JAG2: variants seen among roughly 807,000 people sequenced by gnomAD.
JAG2 encodes the protein protein jagged-2.
A neutral mutation model predicts 141.7 loss-of-function variants in JAG2; 46 were observed. The ratio of observed to expected loss-of-function variants is 0.32; its 90% confidence interval spans 0.26 to 0.42. The LOEUF (loss-of-function observed/expected upper bound fraction) is 0.42, where lower values mean the gene tolerates loss of function less well. JAG2 is among the 10% of genes least tolerant of loss of function. The pLI, the probability that JAG2 is intolerant of heterozygous loss-of-function variation, is 1.00. For missense variants in JAG2, 1,500 were observed against 1,817.5 expected (o/e 0.83, Z 3.18); for synonymous variants, 862 against 763.5 (o/e 1.13, Z -2.13).
intron 5 of JAG2, among the ~76,000 whole-genome samples, chr14:105,153,743 G>A (rs1471109798): frequency 6.6e-6 from 1 of 152,184 alleles, no homozygotes; most frequent in Non-Finnish European, 1.5e-5. Context: ...CCCAGACTCC[G>A]GCTCATCTTC....
intron 23 of JAG2, among the ~76,000 whole-genome samples, 192 bp from the exon 24 acceptor site, chr14:105,145,253 T>C (rs1489193262): frequency 2.0e-5 from 3 of 152,128 alleles, no homozygotes; most frequent in Non-Finnish European, 4.4e-5. Context: ...GGAGTGACGG[T>C]GCCCACCCGC....
At chr14:105,168,318 C>CCT in intron 1 of JAG2, 37 bp downstream of exon 1, 1 of 738,478 alleles carries the variant, frequency 1.4e-6, no homozygotes, top group Non-Finnish European at 1.7e-6. Context: ...CGGTGTGCCC[C>CCT]GTCCGCGACC....
chr14:105,154,561 T>C lies in JAG2; in HGVS notation c.788+1001A>G, dbSNP rs985861115. 1.3e-5 allele frequency among the ~76,000 whole-genome samples: 2 copies of C among 152,114 alleles called. No homozygotes were observed. The highest frequency in any genetic ancestry group is 2.9e-5 in the Non-Finnish European group (2 of 67,996). On this transcript the variant is annotated intron_variant, in intron 5 of 25. Transcript: ENST00000331782. This position sits in a 1 kb window ranked among gnomAD's most constrained non-coding sequence, Gnocchi z 4.4. ...GAGGCCTCCACCATCTGGACTTGGC[T>C]GTAAGACCCCGGACACTCCCTTGTG...
At position 105,168,075 on chromosome 14, in the gene JAG2, C is replaced by A. The variant is rs1242341917; in HGVS notation, c.99G>T (p.Gln33His). The A allele has an allele frequency of 6.3e-7, 1 of 1,587,884 alleles. No homozygotes were observed. The highest frequency in any genetic ancestry group is 8.5e-7 in the Non-Finnish European group (1 of 1,174,896). The change falls in exon 2 of 26, where the codon CAG becomes CAT. Residue 33 changes from glutamine to histidine, a missense_variant. By Grantham distance (24) the Gln-to-His change is conservative. Coordinates refer to ENST00000331782, the MANE Select transcript of JAG2 (RefSeq NM_002226.5). ...CGTTCACGTTCCGCAGCGCGCTCAG[C>A]TGCAGCTCGAAATAGCCCATGGGCC... is the stretch of plus-strand genomic sequence containing the variant. ...AARPMGYFEL[Q>H]LSALRNVNGE...
chr14:105,143,437 G>C, intron 25 of JAG2, 45 bp downstream of exon 25: 1 of 1,536,302 alleles, frequency 6.5e-7, no homozygotes, highest in Non-Finnish European at 8.7e-7. Flanking sequence ...CAATGCCTGA[G>C]TTGCCTGCCT....
chr14:105,164,593 G>A (rs759994786), intron 2 of JAG2, among the ~76,000 whole-genome samples: 5 of 152,328 alleles, frequency 3.3e-5, no homozygotes, highest in Middle Eastern at 3.4e-3. Context: ...CACCTGCCAC[G>A]AGCAGCTTAG....
Position 105,143,180 on chromosome 14 carries a change from G to A in JAG2, c.3242-10C>T, listed in dbSNP as rs373797671. On this transcript the variant is annotated splice_polypyrimidine_tract_variant and intron_variant, in intron 25 of 25. Coordinates refer to ENST00000331782, the MANE Select transcript of JAG2 (RefSeq NM_002226.5). ...ACAGGCACCAGCAGACCTGGGGACC[G>A]GGGAGAAGAGCCGGTGGGCAATGAG... The A allele has an allele frequency of 9.5e-5, 152 of 1,595,456 alleles. No individual in the cohort carries two copies. Among genetic ancestry groups the A allele is most frequent in the East Asian group, 1.8e-4 (8 of 44,750 alleles).
At chr14:105,143,378 T>TGTGTTCC in intron 25 of JAG2, 104 bp downstream of exon 25, 1 of 1,407,764 alleles carries the variant, frequency 7.1e-7, no homozygotes. Context: ...CAGGGACTTC[T>TGTGTTCC]GTGTTCCTGG....
chr14:105,165,196 A>G (rs915697905), intron 2 of JAG2, among the ~76,000 whole-genome samples: 1 of 151,990 alleles, frequency 6.6e-6, no homozygotes, highest in African/African-American at 2.4e-5. Flanking sequence ...GCCAACTGCC[A>G]CCACCCTGCT....
In JAG2 at chr14:105,148,891, A is replaced by C. The variant is rs587644459; in HGVS notation, c.1907-33T>G. On this transcript the variant is annotated intron_variant, in intron 14 of 25. Coordinates refer to ENST00000331782, the MANE Select transcript of JAG2 (RefSeq NM_002226.5). ...GGCGAGCGGGGTGAGCCAGGGCCTC[A>C]GGCCAGCCCAGCCCCACCACCAGCC... is the stretch of plus-strand genomic sequence containing the variant. The C allele has an allele frequency of 1.2e-5, 19 of 1,591,106 alleles. No homozygotes were observed. In the African/African-American group the frequency reaches 2.3e-4, roughly 19 times the overall value.
chr14:105,160,423 G>T (rs1395910770), intron 2 of JAG2, among the ~76,000 whole-genome samples: 1 of 147,244 alleles, frequency 6.8e-6, no homozygotes, highest in Non-Finnish European at 1.5e-5. Context: ...CGCTTCCCAG[G>T]CGTCTGGCAT....
At chr14:105,147,634 A>G in intron 18 of JAG2, 107 bp from the exon 19 acceptor site, 1 of 1,257,824 alleles carries the variant, frequency 8.0e-7, no homozygotes, top group South Asian at 1.2e-5. Context: ...GGGGAGGGTC[A>G]TCAAGGAGGG....
At position 105,142,269 on chromosome 14, in the gene JAG2, AACAGCCATGGGCCACACCAAC is replaced by A. The variant is rs1424568866; in HGVS notation, c.*405_*425del. 1.2e-5 allele frequency: 2 copies of A among 172,552 alleles called. No homozygotes were observed. Among genetic ancestry groups the A allele is most frequent in the Non-Finnish European group, 2.5e-5 (2 of 80,964 alleles). The allele number at this position is 172,552 out of a possible 1,614,324, so 10.7% of individuals were successfully genotyped here. Reference sequence around the variant, plus strand: ...CACACCATCAGCCACGGGTCCCACCAACAGCCATGGGCCACACCAACACAGCCATGGGTCTCACCGGCACTT... The same window carrying A: ...CACACCATCAGCCACGGGTCCCACCAACAGCCATGGGTCTCACCGGCACTT... On this transcript the variant is annotated 3_prime_UTR_variant, in exon 26 of 26. Transcript: ENST00000331782.
chr14:105,148,061 C>T (rs950133082), intron 17 of JAG2, 55 bp downstream of exon 17: 53 of 1,413,690 alleles, frequency 3.7e-5, no homozygotes, highest in Non-Finnish European at 4.6e-5. Flanking sequence ...CCCGAGGGAG[C>T]GGTGCCTGGG....
chr14:105,147,548 G>T, intron 18 of JAG2, 21 bp from the exon 19 acceptor site: 3 of 1,609,266 alleles, frequency 1.9e-6, no homozygotes, highest in South Asian at 1.1e-5. Context: ...AGAAGAGAAC[G>T]CAGGGGATCA....
intron 2 of JAG2, among the ~76,000 whole-genome samples, chr14:105,162,710 C>A (rs75509271): frequency 0.11 from 15,001 of 139,060 alleles, 1,019 homozygotes; most frequent in East Asian, 0.2. Context: ...AGAGTACCCT[C>A]CTGCCCAGGG....
Position 105,149,329 on chromosome 14 carries a change from T to C in JAG2, c.1603-9A>G. On this transcript the variant is annotated splice_polypyrimidine_tract_variant and intron_variant, in intron 12 of 25. Transcript: ENST00000331782. ...CAAAGGTCGACATCCACCTGCAGGGTGGGGGGTGCCTGTGAGAGCCTAGGC... is the reference window on the plus strand; with the variant it reads ...CAAAGGTCGACATCCACCTGCAGGGCGGGGGGTGCCTGTGAGAGCCTAGGC... 3 of 1,612,418 alleles carry C rather than the reference T, an allele frequency of 1.9e-6. No individual in the cohort carries two copies. Among genetic ancestry groups the C allele is most frequent in the Non-Finnish European group, 2.5e-6 (3 of 1,179,904 alleles).
At chr14:105,148,026 A>G (rs954530501) in intron 17 of JAG2, 90 bp downstream of exon 17, 3 of 1,229,794 alleles carry the variant, frequency 2.4e-6, no homozygotes, top group Admixed American at 4.0e-5. Context: ...TGTGGCCCTC[A>G]AAAAAGACCC....
intron 16 of JAG2, 24 bp downstream of exon 16, chr14:105,148,302 C>A (rs371270744): frequency 1.2e-6 from 2 of 1,600,230 alleles, no homozygotes; most frequent in Non-Finnish European, 8.5e-7. Context: ...CAGCCCCAGG[C>A]GGCCAGGGCC....
Sources: allele counts gnomAD v4.1 joint callset (sites outside exome capture counted in the v4.1 genomes callset), GRCh38; gene constraint gnomAD v4.1.1; non-coding constraint Gnocchi (gnomAD v3.1); transcripts MANE v1.5; gene names NCBI Gene and HGNC (gene_info 2026-07-23, HGNC 2026-07-21).